NAF1: variants seen among roughly 807,000 people sequenced by gnomAD.
NAF1 encodes the protein H/ACA ribonucleoprotein complex non-core subunit NAF1.
In NAF1, 11 loss-of-function variants were observed where a neutral mutation model predicts 40.6. The ratio of observed to expected loss-of-function variants is 0.27; its 90% CI spans 0.17 to 0.45. NAF1 has a LOEUF of 0.45. NAF1 is among the 20% of genes least tolerant of loss of function. The pLI is 1.00. For missense variants in NAF1, 607 were observed against 611.1 expected (o/e 0.99, Z 0.07); for synonymous variants, 260 against 228.5 (o/e 1.14, Z -1.24).
At chr4:163,160,355 AAAAC>A (rs1732166972) in intron 2 of NAF1, among the ~76,000 whole-genome samples, 1 of 152,094 alleles carries the variant, frequency 6.6e-6, no homozygotes, top group Admixed American at 6.5e-5. Context: ...TTAAAAAACA[AAAAC>A]AAAAACAAAA....
chr4:163,134,976 T>TA (rs1731000183), intron 6 of NAF1: 1 of 152,166 alleles, frequency 6.6e-6, no homozygotes, highest in Non-Finnish European at 1.5e-5. Context: ...CTATCACTCC[T>TA]AAAATCAGAG....
intron 2 of NAF1, among the ~76,000 whole-genome samples, chr4:163,150,261 A>T (rs1560799672): frequency 1.3e-5 from 2 of 152,230 alleles, no homozygotes; most frequent in Admixed American, 1.3e-4. Context: ...AAAAAGTAAA[A>T]CATGTTCCTA....
downstream of NAF1, among the ~76,000 whole-genome samples, chr4:163,122,286 AT>A (rs897110706): frequency 5.3e-5 from 8 of 152,156 alleles, no homozygotes; most frequent in East Asian, 1.4e-3. Flanking sequence ...ATTGGCCTCA[AT>A]TTTTTTTAAA....
At chr4:163,165,809 A>G (rs1398716384) in intron 1 of NAF1, among the ~76,000 whole-genome samples, 1 of 152,188 alleles carries the variant, frequency 6.6e-6, no homozygotes, top group Non-Finnish European at 1.5e-5. Context: ...AAAACGTAAG[A>G]AGCATAAGAT....
chr4:163,115,916 C>G (rs934923160), intron 2 of NAF1, among the ~76,000 whole-genome samples: 2 of 152,150 alleles, frequency 1.3e-5, no homozygotes, highest in Non-Finnish European at 2.9e-5. Context: ...TTTCTATGCA[C>G]AATTTTAAAA....
At chr4:163,150,749 CAT>C (rs1437540471) in intron 2 of NAF1, among the ~76,000 whole-genome samples, 1 of 152,088 alleles carries the variant, frequency 6.6e-6, no homozygotes, top group Non-Finnish European at 1.5e-5. Context: ...CATTCTTTTA[CAT>C]ATATCTTTGT....
chr4:163,144,160 G>T, intron 4 of NAF1: 1 of 252,474 alleles, frequency 4.0e-6, no homozygotes, highest in Non-Finnish European at 6.2e-6. Flanking sequence ...GTTCATCAAG[G>T]GAACTAGCAA....
At chr4:163,110,207 A>T (rs1276687410) in exon 3 of NAF1, 23 of 673,852 alleles carry the variant, frequency 3.4e-5, no homozygotes, top group Non-Finnish European at 2.1e-5. Context: ...ATCACCAGCC[A>T]TACCATCATT....
chr4:163,160,403 G>A (rs1288054572), intron 2 of NAF1, among the ~76,000 whole-genome samples: 3 of 147,430 alleles, frequency 2.0e-5, no homozygotes, highest in African/African-American at 7.8e-5. Context: ...ATCTTGGGAT[G>A]GCAAGATTTG....
chr4:163,161,406 G>T (rs1030073825), intron 2 of NAF1, among the ~76,000 whole-genome samples: 6 of 152,080 alleles, frequency 3.9e-5, no homozygotes, highest in Non-Finnish European at 7.4e-5. Flanking sequence ...CCAGGAGGTG[G>T]AGGTTACAGT....
At chr4:163,105,758 T>A (rs1730039648), downstream of NAF1, among the ~76,000 whole-genome samples, 2 of 152,234 alleles carry the variant, frequency 1.3e-5, no homozygotes, top group African/African-American at 4.8e-5. Context: ...GTAAATTATT[T>A]GGACTTGTCT....
At position 163,116,151 on chromosome 4, in the gene NAF1, G is replaced by C. The variant is rs965342979; in HGVS notation, c.115-5861C>G. On this transcript the variant is annotated intron_variant, in intron 2 of 2. Transcript: ENST00000509434. ...GATGACACATCATCAGTTTTTGATT[G>C]ATATTGAGTTAATGCTAATAAACAA... Among the ~76,000 whole-genome samples, 16 of 152,206 alleles carry C rather than the reference G, an allele frequency of 1.1e-4. No individual in the cohort carries two copies. The East Asian group carries it at 2.7e-3, about 26-fold the overall frequency.
intron 2 of NAF1, among the ~76,000 whole-genome samples, chr4:163,155,537 A>C (rs1032952072): frequency 1.2e-4 from 18 of 152,182 alleles, no homozygotes; most frequent in African/African-American, 4.3e-4. Flanking sequence ...ACTTGAACCT[A>C]ATCTTCTCAA....
At chr4:163,115,466 G>T (rs1730306900) in intron 2 of NAF1, among the ~76,000 whole-genome samples, 1 of 152,036 alleles carries the variant, frequency 6.6e-6, no homozygotes, top group Admixed American at 6.5e-5. Context: ...AAAGTGCTGG[G>T]ATTACAGGCG....
intron 2 of NAF1, among the ~76,000 whole-genome samples, chr4:163,112,187 G>T (rs1730180925): frequency 6.6e-6 from 1 of 151,986 alleles, no homozygotes; most frequent in Admixed American, 6.6e-5. Flanking sequence ...AAAATGATTG[G>T]GGGGGGAGAA....
intron 1 of NAF1, among the ~76,000 whole-genome samples, chr4:163,165,550 CCTT>C (rs1250037239): frequency 3.9e-5 from 6 of 152,182 alleles, no homozygotes; most frequent in African/African-American, 1.4e-4. Flanking sequence ...CATACCCTCT[CCTT>C]CTACTCAAAT....
rs185737711 is a variant in NAF1, at chr4:163,163,962, G to C, written c.540+255C>G. 1.1e-3 allele frequency among the ~76,000 whole-genome samples: 170 copies of C among 151,924 alleles called. 3 individuals carry two copies. The highest frequency in any genetic ancestry group is 1.5e-4 in the Non-Finnish European group (10 of 67,958). Reference sequence around the variant, plus strand: ...TCTTCTTCTAGGGAATGTAAAAAATGTAAAGTTCAAAGCTGAAGTTGATGC... The same window carrying C: ...TCTTCTTCTAGGGAATGTAAAAAATCTAAAGTTCAAAGCTGAAGTTGATGC... On this transcript the variant is annotated intron_variant, in intron 2 of 7. Coordinates refer to ENST00000274054, the MANE Select transcript of NAF1 (RefSeq NM_138386.3).
chr4:163,125,054 A>T (rs986956755), downstream of NAF1, among the ~76,000 whole-genome samples: 17 of 152,204 alleles, frequency 1.1e-4, no homozygotes, highest in African/African-American at 3.6e-4. Flanking sequence ...GGCACCATGA[A>T]CTATGCCCAT....
At chr4:163,159,496 T>C (rs1732132141) in intron 2 of NAF1, among the ~76,000 whole-genome samples, 1 of 152,138 alleles carries the variant, frequency 6.6e-6, no homozygotes, top group Non-Finnish European at 1.5e-5. Context: ...GAAAACAATA[T>C]ATTCAATTGA....
Sources: gnomAD v4.1 joint callset for allele counts (sites outside exome capture counted in the v4.1 genomes callset) on GRCh38, gnomAD v4.1.1 for gene constraint, MANE v1.5 for transcripts, NCBI Gene and HGNC (gene_info 2026-07-23, HGNC 2026-07-21) for gene names.